PRKG1: variants seen among roughly 807,000 people sequenced by gnomAD.
PRKG1 encodes protein kinase cGMP-dependent 1.
Under a neutral mutation model 88.1 loss-of-function variants are expected in PRKG1, and 35 were observed. The ratio of observed to expected loss-of-function variants is 0.40; its 90% confidence interval spans 0.30 to 0.53. The LOEUF (loss-of-function observed/expected upper bound fraction) is 0.53, where lower values mean the gene tolerates loss of function less well. PRKG1 is among the 20% of genes least tolerant of loss of function. The probability of loss-of-function intolerance (pLI) is 0.59; values close to 1 mark genes in which losing one functional copy is unlikely to be tolerated. For missense variants in PRKG1, 540 were observed against 839.8 expected (o/e 0.64, Z 4.41); for synonymous variants, 303 against 292.5 (o/e 1.04, Z -0.37).
chr10:51,492,901 G>A (rs1840744373), intron 3 of PRKG1, among the ~76,000 whole-genome samples: 2 of 152,084 alleles, frequency 1.3e-5, no homozygotes, highest in Admixed American at 1.3e-4. Context: ...GTAGAAAAAA[G>A]ATTATTAGAT....
intron 3 of PRKG1, among the ~76,000 whole-genome samples, chr10:51,535,451 A>C (rs1842121718): frequency 6.6e-6 from 1 of 152,182 alleles, no homozygotes; most frequent in African/African-American, 2.4e-5. Context: ...AGAAGACAGG[A>C]AGTAAAGAAG....
intron 4 of PRKG1, among the ~76,000 whole-genome samples, chr10:51,832,056 G>T (rs577026302): frequency 6.6e-6 from 1 of 152,166 alleles, no homozygotes; most frequent in South Asian, 2.1e-4. Context: ...TGTAAGACAG[G>T]TGAAAATATC....
chr10:51,270,382 A>G (rs1839947499), intron 2 of PRKG1, among the ~76,000 whole-genome samples: 1 of 152,144 alleles, frequency 6.6e-6, no homozygotes, highest in Non-Finnish European at 1.5e-5. Flanking sequence ...AATTTGGTGG[A>G]GGATCATCTA....
At chr10:52,169,535 A>G (rs534867839) in intron 9 of PRKG1, among the ~76,000 whole-genome samples, 1 of 152,152 alleles carries the variant, frequency 6.6e-6, no homozygotes, top group Non-Finnish European at 1.5e-5. Flanking sequence ...GTTTCCACAC[A>G]TGAATTTAGG....
chr10:51,242,645 A>G (rs557929067), intron 2 of PRKG1, among the ~76,000 whole-genome samples: 1 of 152,288 alleles, frequency 6.6e-6, no homozygotes, highest in African/African-American at 2.4e-5. Flanking sequence ...TAACACTGGG[A>G]TAAATGCAAT....
chr10:51,777,406 C>A (rs1176663288), intron 3 of PRKG1, among the ~76,000 whole-genome samples: 1 of 152,116 alleles, frequency 6.6e-6, no homozygotes, highest in Non-Finnish European at 1.5e-5. Flanking sequence ...TTTGGGTTCA[C>A]ATAGCATTCT....
chr10:51,164,209 G>A (rs1846459780), intron 2 of PRKG1, among the ~76,000 whole-genome samples: 1 of 152,182 alleles, frequency 6.6e-6, no homozygotes, highest in South Asian at 2.1e-4. Flanking sequence ...ACTTCCAGAG[G>A]AACGATCAGA....
chr10:51,518,851 A>G (rs1002527389), intron 3 of PRKG1, among the ~76,000 whole-genome samples: 1 of 152,212 alleles, frequency 6.6e-6, no homozygotes, highest in African/African-American at 2.4e-5. Context: ...CTGGTTGCCA[A>G]ACAATATAAT....
chr10:51,861,410 T>TA (rs1235274702), intron 4 of PRKG1, among the ~76,000 whole-genome samples: 1 of 152,254 alleles, frequency 6.6e-6, no homozygotes, highest in Admixed American at 6.5e-5. Flanking sequence ...CAGGTAGTTA[T>TA]AAAAAATCAT....
At chr10:51,768,312 A>G (rs1276347387) in intron 3 of PRKG1, among the ~76,000 whole-genome samples, 1 of 152,138 alleles carries the variant, frequency 6.6e-6, no homozygotes, top group Non-Finnish European at 1.5e-5. Flanking sequence ...TGCTGGCTAT[A>G]TTTTTTGATT....
At chr10:51,501,926 G>A (rs1448329227) in intron 3 of PRKG1, among the ~76,000 whole-genome samples, 1 of 151,838 alleles carries the variant, frequency 6.6e-6, no homozygotes, top group African/African-American at 2.4e-5. Context: ...GTATCTGTGG[G>A]TAGGTTGTGT....
At chr10:51,900,961 C>T (rs1841966390) in intron 4 of PRKG1, among the ~76,000 whole-genome samples, 1 of 151,990 alleles carries the variant, frequency 6.6e-6, no homozygotes, top group Admixed American at 6.6e-5. Flanking sequence ...AAATTAATAA[C>T]TTTTACTATT....
chr10:51,482,444 A>G (rs770514113), intron 3 of PRKG1, among the ~76,000 whole-genome samples: 12 of 152,178 alleles, frequency 7.9e-5, no homozygotes, highest in Admixed American at 2.0e-4. Flanking sequence ...CACCTAAGTG[A>G]ATAGTGTTTT....
intron 9 of PRKG1, among the ~76,000 whole-genome samples, chr10:52,169,946 G>A (rs926135069): frequency 6.6e-6 from 1 of 152,018 alleles, no homozygotes; most frequent in Non-Finnish European, 1.5e-5. Flanking sequence ...AAGGTTAAGA[G>A]TGAGACCATC....
At chr10:52,129,646 C>T (rs766528131) in intron 7 of PRKG1, among the ~76,000 whole-genome samples, 21 of 152,000 alleles carry the variant, frequency 1.4e-4, no homozygotes, top group Non-Finnish European at 2.6e-4. Context: ...ATGAGCTTGG[C>T]GATGAATAAT....
At chr10:52,048,939 T>C (rs1283411778) in intron 5 of PRKG1, among the ~76,000 whole-genome samples, 1 of 152,136 alleles carries the variant, frequency 6.6e-6, no homozygotes, top group Non-Finnish European at 1.5e-5. Context: ...TAGGCACTGT[T>C]CAAACTGAAG....
At chr10:51,805,558 G>A (rs1937652) in intron 4 of PRKG1, among the ~76,000 whole-genome samples, 99,692 of 151,748 alleles carry the variant, frequency 0.66, 32,980 homozygotes, top group Middle Eastern at 0.74. Flanking sequence ...GCTAATTAAG[G>A]TTTCATTTTT....
chr10:51,741,761 T>TA, intron 3 of PRKG1, among the ~76,000 whole-genome samples: 1 of 152,232 alleles, frequency 6.6e-6, no homozygotes, highest in South Asian at 2.1e-4. Context: ...GATCCTACGG[T>TA]AAAAAATAAG....
chr10:51,365,216 T>C (rs1222570052), intron 2 of PRKG1, among the ~76,000 whole-genome samples: 1 of 151,902 alleles, frequency 6.6e-6, no homozygotes, highest in Non-Finnish European at 1.5e-5. Flanking sequence ...GTCACTATCA[T>C]CATCATCTTC....
Sources: gnomAD v4.1 joint callset for allele counts (sites outside exome capture counted in the v4.1 genomes callset) on GRCh38, gnomAD v4.1.1 for gene constraint, MANE v1.5 for transcripts, NCBI Gene and HGNC (gene_info 2026-07-23, HGNC 2026-07-21) for gene names.